The following SLC71A2 variants were observed in gnomAD, a reference collection of about 807,000 sequenced individuals.
The protein encoded by SLC71A2 is solute carrier family 71 member 2.
chr9:94,420,671 T>A, the SLC71A2 span, among the ~76,000 whole-genome samples: 2 of 150,388 alleles, frequency 1.3e-5, no homozygotes, highest in African/African-American at 4.9e-5. Context: ...GAGGCTGAGG[T>A]GGGCAGATCA....
chr9:94,438,613 T>G, the SLC71A2 span: 1 of 1,559,686 alleles, frequency 6.4e-7, no homozygotes, highest in Non-Finnish European at 8.7e-7. Flanking sequence ...ACTTCTTAAC[T>G]ATTACAAAGC....
chr9:94,419,267 C>T, the SLC71A2 span, among the ~76,000 whole-genome samples: 1 of 151,382 alleles, frequency 6.6e-6, no homozygotes, highest in African/African-American at 2.4e-5. Flanking sequence ...TTGTGCACCA[C>T]CACGCTTGGC....
chr9:94,395,790 G>A, the SLC71A2 span, among the ~76,000 whole-genome samples: 4 of 152,130 alleles, frequency 2.6e-5, no homozygotes, highest in African/African-American at 7.2e-5. Flanking sequence ...ATTCATCTCC[G>A]GACCTAGTGA....
the SLC71A2 span, among the ~76,000 whole-genome samples, chr9:94,440,495 G>A: frequency 6.6e-6 from 1 of 151,564 alleles, no homozygotes; most frequent in African/African-American, 2.4e-5. Context: ...CCCACTTTTT[G>A]TTCTATAAGG....
chr9:94,429,041 G>A, the SLC71A2 span: 1 of 1,197,112 alleles, frequency 8.4e-7, no homozygotes, highest in Non-Finnish European at 1.2e-6. Flanking sequence ...ATGTACCACA[G>A]TTTGTTTGTT....
At chr9:94,460,653 ATATATGTAGATATTTG>A in the SLC71A2 span, 1 of 148,740 alleles carries the variant, frequency 6.7e-6, no homozygotes, top group East Asian at 1.9e-4. Context: ...TAGGTATGAA[ATATATGTAGATATTTG>A]TAAAGGGTTT....
At chr9:94,456,694 G>A in the SLC71A2 span, among the ~76,000 whole-genome samples, 20 of 152,192 alleles carry the variant, frequency 1.3e-4, no homozygotes, top group Admixed American at 1.2e-3. Flanking sequence ...AGTTAACCAC[G>A]AGTTACTTAA....
chr9:94,410,324 A>G, the SLC71A2 span, among the ~76,000 whole-genome samples: 1 of 152,114 alleles, frequency 6.6e-6, no homozygotes, highest in Non-Finnish European at 1.5e-5. Flanking sequence ...TTGAACTCCT[A>G]GCCTCAAGTA....
the SLC71A2 span, among the ~76,000 whole-genome samples, chr9:94,431,927 C>T: frequency 1.3e-5 from 2 of 152,164 alleles, no homozygotes; most frequent in African/African-American, 4.8e-5. Flanking sequence ...TCACCTGAGA[C>T]TTTTTAAACA....
the SLC71A2 span, among the ~76,000 whole-genome samples, chr9:94,442,830 C>T: frequency 0.036 from 5,399 of 150,658 alleles, 125 homozygotes; most frequent in Middle Eastern, 0.089. Context: ...AGGCTGGCGA[C>T]GGTCAGACCC....
the SLC71A2 span, among the ~76,000 whole-genome samples, chr9:94,379,995 C>T: frequency 9.9e-5 from 15 of 152,278 alleles, no homozygotes; most frequent in South Asian, 2.9e-3. Flanking sequence ...CAGCTGGACG[C>T]GGTGGCTTAC....
the SLC71A2 span, among the ~76,000 whole-genome samples, chr9:94,392,843 A>G: frequency 0.021 from 3,159 of 151,506 alleles, 105 homozygotes; most frequent in African/African-American, 0.072. Context: ...CATCTTTAGT[A>G]TTTCCTCCCA....
chr9:94,456,434 G>C, the SLC71A2 span: 1 of 894,172 alleles, frequency 1.1e-6, no homozygotes, highest in Non-Finnish European at 1.9e-6. Flanking sequence ...AACAGCAGGA[G>C]CCGACAGCCA....
At chr9:94,435,527 CT>C in the SLC71A2 span, among the ~76,000 whole-genome samples, 1 of 152,118 alleles carries the variant, frequency 6.6e-6, no homozygotes, top group East Asian at 1.9e-4. Context: ...AACAAAACCT[CT>C]TTTCCTTTTC....
At chr9:94,400,555 C>G in the SLC71A2 span, among the ~76,000 whole-genome samples, 1 of 122,298 alleles carries the variant, frequency 8.2e-6, no homozygotes. Flanking sequence ...TGATAAAATT[C>G]CAGCTTCCAA....
the SLC71A2 span, among the ~76,000 whole-genome samples, chr9:94,384,615 C>G: frequency 2.3e-3 from 354 of 152,344 alleles, 1 homozygote; most frequent in African/African-American, 8.0e-3. Context: ...GCGGGGATTA[C>G]AGGCATGAGC....
the SLC71A2 span, among the ~76,000 whole-genome samples, chr9:94,445,667 C>T: frequency 1.3e-5 from 2 of 151,840 alleles, no homozygotes; most frequent in Admixed American, 6.6e-5. Flanking sequence ...CTCTCCTTTT[C>T]CACCCCCTTC....
chr9:94,386,582 C>A, the SLC71A2 span, among the ~76,000 whole-genome samples: 49 of 152,122 alleles, frequency 3.2e-4, 1 homozygote, highest in Middle Eastern at 0.014. Flanking sequence ...GATCTCTGGG[C>A]TTCTCTCTCT....
the SLC71A2 span, among the ~76,000 whole-genome samples, chr9:94,418,196 C>T: frequency 6.6e-6 from 1 of 152,164 alleles, no homozygotes; most frequent in African/African-American, 2.4e-5. Flanking sequence ...ATGTCTCATA[C>T]ATCTCTGAGG....
Sources: allele counts gnomAD v4.1 joint callset (sites outside exome capture counted in the v4.1 genomes callset), GRCh38; gene constraint gnomAD v4.1.1; transcripts MANE v1.5; gene names NCBI Gene and HGNC (gene_info 2026-07-23, HGNC 2026-07-21).